The following ATP8B4 variants were observed in gnomAD, a reference collection of about 807,000 sequenced individuals.
ATP8B4 encodes probable phospholipid-transporting ATPase IM.
Under a neutral mutation model 145.6 loss-of-function variants are expected in ATP8B4, and 133 were observed. The observed-to-expected ratio is 0.91, with a 90% CI of 0.79 to 1.05. The LOEUF (loss-of-function observed/expected upper bound fraction) is 1.05. Among genes scored for constraint, ATP8B4 ranks in the 50% least tolerant of loss-of-function variants. The pLI, the probability that ATP8B4 is intolerant of heterozygous loss-of-function variation, is 0.00. For missense variants in ATP8B4, 1,458 were observed against 1,425.2 expected, an observed-to-expected ratio of 1.02 and a Z score of -0.37; for synonymous variants, 507 against 492.9, an observed-to-expected ratio of 1.03 and a Z score of -0.38.
intron 25 of ATP8B4, among the ~76,000 whole-genome samples, chr15:49,873,397 A>G (rs1444552582): frequency 6.6e-6 from 1 of 152,222 alleles, no homozygotes; most frequent in East Asian, 1.9e-4. Flanking sequence ...TAACAGCAAC[A>G]TGGTTGAATA....
intron 14 of ATP8B4, among the ~76,000 whole-genome samples, chr15:49,938,949 G>C (rs993948193): frequency 1.3e-5 from 2 of 151,932 alleles, no homozygotes; most frequent in African/African-American, 2.4e-5. Context: ...TCAATACCAA[G>C]AAGATCTCAG....
At chr15:50,044,487 T>C in intron 5 of ATP8B4, 107 bp downstream of exon 5, 1 of 734,928 alleles carries the variant, frequency 1.4e-6, no homozygotes, top group Non-Finnish European at 2.2e-6. Flanking sequence ...TATATGATAT[T>C]AACCAAAATA....
intron 3 of ATP8B4, among the ~76,000 whole-genome samples, chr15:50,070,272 T>C (rs2053640043): frequency 6.6e-6 from 1 of 152,056 alleles, no homozygotes; most frequent in African/African-American, 2.4e-5. Flanking sequence ...ACCAGGATGC[T>C]GCCTTTCTTA....
chr15:49,947,595 A>ATT (rs58675428), intron 14 of ATP8B4, among the ~76,000 whole-genome samples: 5 of 151,862 alleles, frequency 3.3e-5, no homozygotes, highest in Middle Eastern at 3.4e-3. Context: ...TTTCAATGGT[A>ATT]TTTTTTTACA....
At chr15:50,126,387 A>G (rs969926564) in intron 1 of ATP8B4, among the ~76,000 whole-genome samples, 1 of 152,208 alleles carries the variant, frequency 6.6e-6, no homozygotes, top group African/African-American at 2.4e-5. Context: ...TTTACTGAAC[A>G]GACCCAGGAA....
At chr15:50,029,903 G>C (rs1378936195) in intron 6 of ATP8B4, among the ~76,000 whole-genome samples, 1 of 152,098 alleles carries the variant, frequency 6.6e-6, no homozygotes, top group African/African-American at 2.4e-5. Context: ...TAAAATGCAT[G>C]GAAGAAATTA....
At chr15:50,003,453 C>T (rs917067056) in intron 7 of ATP8B4, among the ~76,000 whole-genome samples, 1 of 152,064 alleles carries the variant, frequency 6.6e-6, no homozygotes, top group African/African-American at 2.4e-5. Context: ...GGCAGAAATT[C>T]TCTGACTTGT....
intron 23 of ATP8B4, among the ~76,000 whole-genome samples, chr15:49,885,063 T>C (rs1425534100): frequency 6.6e-6 from 1 of 152,228 alleles, no homozygotes; most frequent in African/African-American, 2.4e-5. Context: ...TCCATTTTAC[T>C]TGGAATGAAT....
chr15:49,913,292 A>C (rs901464188), intron 20 of ATP8B4, among the ~76,000 whole-genome samples: 1 of 152,128 alleles, frequency 6.6e-6, no homozygotes, highest in Non-Finnish European at 1.5e-5. Flanking sequence ...AGTTATCTCA[A>C]TCGATGCAGA....
chr15:50,025,009 G>A (rs762725654), intron 6 of ATP8B4, among the ~76,000 whole-genome samples: 14 of 152,098 alleles, frequency 9.2e-5, no homozygotes, highest in East Asian at 1.9e-4. Context: ...TTAGTTACAG[G>A]GAAGAAAAGA....
intron 9 of ATP8B4, among the ~76,000 whole-genome samples, chr15:49,995,507 A>AT (rs988838588): frequency 3.6e-4 from 55 of 151,814 alleles, no homozygotes; most frequent in African/African-American, 1.2e-3. Context: ...ATTCGGAGGA[A>AT]TTTTTTTTTC....
chr15:49,860,429 C>T lies in ATP8B4; in HGVS notation c.3344G>A (p.Ser1115Asn), dbSNP rs766185262. 1 of 1,613,878 alleles carries T rather than the reference C, an allele frequency of 6.2e-7. No individual in the cohort carries two copies. Among genetic ancestry groups the T allele is most frequent in the Non-Finnish European group, 8.5e-7 (1 of 1,179,924 alleles). The change falls in exon 28 of 28, where the codon AGC becomes AAC. Residue 1115 changes from serine (S) to asparagine (N), a missense_variant. Ser to Asn is a conservative substitution (Grantham distance 46). Coordinates refer to ENST00000284509, the MANE Select transcript of ATP8B4 (RefSeq NM_024837.4). The stretch of plus-strand genomic sequence containing the variant: ...TGACCTGCGGGTCCGAGGCCTTCGG[C>T]TACTTGGAGGCCTTGCCTTCTTTTG... ...KAQKKARPPS[S>N]RRPRTRRSSS...
At chr15:50,138,326 G>GTAGGTAGGTAGA (rs1555496744) in intron 1 of ATP8B4, among the ~76,000 whole-genome samples, 5 of 148,118 alleles carry the variant, frequency 3.4e-5, no homozygotes, top group South Asian at 2.2e-4. Context: ...AGATAGATAG[G>GTAGGTAGGTAGA]TAGATAGATA....
chr15:49,999,515 C>A (rs1205234819), intron 8 of ATP8B4, among the ~76,000 whole-genome samples: 5 of 151,470 alleles, frequency 3.3e-5, no homozygotes, highest in Non-Finnish European at 7.4e-5. Flanking sequence ...GCACATGTAC[C>A]CTAAAACTTA....
intron 1 of ATP8B4, among the ~76,000 whole-genome samples, chr15:50,140,834 G>A (rs1274785339): frequency 6.6e-6 from 1 of 152,220 alleles, no homozygotes; most frequent in Admixed American, 6.5e-5. Flanking sequence ...TTCGAATTCT[G>A]TAGTTCTGGG....
At chr15:49,993,451 A>G (rs891110013) in intron 9 of ATP8B4, among the ~76,000 whole-genome samples, 5 of 152,082 alleles carry the variant, frequency 3.3e-5, no homozygotes, top group African/African-American at 1.2e-4. Context: ...TGGAGAAAAC[A>G]ATCGAAGGCC....
At chr15:50,149,146 T>C (rs2044315062) in intron 1 of ATP8B4, among the ~76,000 whole-genome samples, 1 of 152,220 alleles carries the variant, frequency 6.6e-6, no homozygotes, top group African/African-American at 2.4e-5. Flanking sequence ...GTTGAGAACA[T>C]TGTGTTAAGA....
chr15:50,109,499 G>C (rs1241657544), intron 1 of ATP8B4, among the ~76,000 whole-genome samples: 1 of 152,054 alleles, frequency 6.6e-6, no homozygotes, highest in African/African-American at 2.4e-5. Context: ...CACTTGGCCA[G>C]AGGGTAAAGG....
chr15:49,923,230 A>T (rs1349951025), intron 17 of ATP8B4, 149 bp downstream of exon 17: 1 of 653,086 alleles, frequency 1.5e-6, no homozygotes, highest in South Asian at 1.9e-5. Context: ...TTCCCAGACA[A>T]TCATTGGCAC....
Sources: gnomAD v4.1 joint callset for allele counts (sites outside exome capture counted in the v4.1 genomes callset) on GRCh38, gnomAD v4.1.1 for gene constraint, MANE v1.5 for transcripts, NCBI Gene and HGNC (gene_info 2026-07-23, HGNC 2026-07-21) for gene names.